SH3RF2: variants seen among roughly 807,000 people sequenced by gnomAD.
SH3RF2 encodes SH3 domain containing ring finger 2, also known as E3 ubiquitin-protein ligase SH3RF2.
In SH3RF2, 43 loss-of-function variants were observed where a neutral mutation model predicts 59.0. That is an observed-to-expected ratio of 0.73 (90% CI 0.57 to 0.94). The LOEUF (loss-of-function observed/expected upper bound fraction) is 0.94. Among genes scored for constraint, SH3RF2 ranks in the 40% least tolerant of loss-of-function variants. SH3RF2 has a pLI of 0.00. For missense variants in SH3RF2, 930 were observed against 940.1 expected, an observed-to-expected ratio of 0.99 and a Z score of 0.14; for synonymous variants, 391 against 391.5, an observed-to-expected ratio of 1.00 and a Z score of 0.01.
intron 5 of SH3RF2, among the ~76,000 whole-genome samples, chr5:146,023,384 T>C (rs929165014): frequency 2.0e-5 from 3 of 152,194 alleles, no homozygotes; most frequent in South Asian, 2.1e-4. Context: ...AATTTTTGTA[T>C]TGTTAGTAGA....
chr5:145,953,640 G>C (rs1758278804), intron 2 of SH3RF2, among the ~76,000 whole-genome samples: 1 of 152,072 alleles, frequency 6.6e-6, no homozygotes, highest in Admixed American at 6.6e-5. Flanking sequence ...TTGTTGTACA[G>C]GTTATTTCAT....
exon 10 of SH3RF2, chr5:146,079,777 A>ACAC (rs1283417205): frequency 6.6e-6 from 1 of 152,250 alleles, no homozygotes; most frequent in Non-Finnish European, 1.5e-5. Context: ...AGGTGACAAT[A>ACAC]CACCACAAGA....
intron 5 of SH3RF2, among the ~76,000 whole-genome samples, chr5:146,016,560 T>C (rs991672559): frequency 1.3e-5 from 2 of 152,168 alleles, no homozygotes; most frequent in African/African-American, 2.4e-5. Context: ...ATCAACACTT[T>C]ATAGCAAGGT....
At chr5:146,064,052 C>T (rs1046828241), downstream of SH3RF2, among the ~76,000 whole-genome samples, 1 of 151,896 alleles carries the variant, frequency 6.6e-6, no homozygotes, top group Admixed American at 6.6e-5. Context: ...CATGGCAGCC[C>T]GAGGCTGGGG....
chr5:145,949,705 T>C (rs186649138), intron 2 of SH3RF2, among the ~76,000 whole-genome samples: 2 of 152,310 alleles, frequency 1.3e-5, no homozygotes, highest in Admixed American at 1.3e-4. Flanking sequence ...ACAGCAGTGT[T>C]CTTTTCCTAT....
rs374624666 is a variant in SH3RF2 at position 146,049,202 on chromosome 5, C to A, written c.1279C>A (p.Arg427=). The change falls in exon 7 of 10, where the codon CGA becomes AGA. Residue 427 remains arginine, a synonymous_variant. Transcript: ENST00000359120. The part of the protein sequence containing the change: ...WLRGVSLVTG[R]VGIFPNNYVI... ...CAGGGGCGTCTCCTTGGTCACCGGG[C>A]GAGTCGGCATCTTCCCAAACAATTA... is the stretch of plus-strand genomic sequence containing the variant. 6 of 1,613,776 alleles carry A rather than the reference C, an allele frequency of 3.7e-6. No individual in the cohort carries two copies. The East Asian group carries it at 8.9e-5, about 24-fold the overall frequency.
chr5:146,064,909 A>G (rs1480469165), downstream of SH3RF2, among the ~76,000 whole-genome samples: 1 of 152,060 alleles, frequency 6.6e-6, no homozygotes, highest in Non-Finnish European at 1.5e-5. Context: ...AGGAAGGGGC[A>G]TGTCTAATTA....
intron 9 of SH3RF2, among the ~76,000 whole-genome samples, chr5:146,077,180 C>A (rs1017644827): frequency 1.3e-5 from 2 of 152,146 alleles, no homozygotes; most frequent in African/African-American, 4.8e-5. Context: ...TGCAATCAAA[C>A]CACCTGCCCT....
chr5:145,940,272 C>T (rs573391891), intron 2 of SH3RF2, among the ~76,000 whole-genome samples: 1 of 152,208 alleles, frequency 6.6e-6, no homozygotes, highest in Admixed American at 6.5e-5. Context: ...CTGGCACCCC[C>T]ACTTCCCAAT....
At chr5:146,049,349 G>A in intron 7 of SH3RF2, 104 bp downstream of exon 7, 1 of 1,342,648 alleles carries the variant, frequency 7.4e-7, no homozygotes. Context: ...TCAGAAAACA[G>A]GCCAAGAAAG....
At chr5:146,009,920 G>C (rs1346299730) in intron 4 of SH3RF2, among the ~76,000 whole-genome samples, 1 of 152,110 alleles carries the variant, frequency 6.6e-6, no homozygotes, top group African/African-American at 2.4e-5. Flanking sequence ...GGGTATATGT[G>C]CACAACGTGC....
intron 3 of SH3RF2, among the ~76,000 whole-genome samples, chr5:146,002,438 G>A (rs1201526682): frequency 2.7e-5 from 4 of 147,918 alleles, no homozygotes; most frequent in South Asian, 2.1e-4. Flanking sequence ...GCAACAGAGC[G>A]AGACTCCATC....
intron 2 of SH3RF2, among the ~76,000 whole-genome samples, chr5:145,945,143 T>C (rs1757962642): frequency 6.6e-6 from 1 of 152,234 alleles, no homozygotes. Flanking sequence ...TTAGTTATAG[T>C]TCTTAGAGGG....
intron 5 of SH3RF2, among the ~76,000 whole-genome samples, chr5:146,045,854 T>G (rs11738320): frequency 0.34 from 52,119 of 152,112 alleles, 9,291 homozygotes; most frequent in Non-Finnish European, 0.39. Context: ...GAAACAGATT[T>G]ACTGGGTCAT....
intron 4 of SH3RF2, among the ~76,000 whole-genome samples, chr5:146,012,328 G>T (rs974350293): frequency 3.3e-5 from 5 of 152,070 alleles, no homozygotes; most frequent in African/African-American, 9.7e-5. Context: ...AATTCTCTTT[G>T]TTTGTTGTGT....
At chr5:146,064,813 A>G (rs1355925211), downstream of SH3RF2, among the ~76,000 whole-genome samples, 5 of 10,858 alleles carry the variant, frequency 4.6e-4, no homozygotes, top group Non-Finnish European at 3.3e-3. Context: ...GGAAGGAAAG[A>G]AAGAAAGAAA....
chr5:145,997,598 T>C, intron 2 of SH3RF2: 1 of 1,603,538 alleles, frequency 6.2e-7, no homozygotes, highest in Non-Finnish European at 8.5e-7. Flanking sequence ...CGAGAAAAGG[T>C]TTTAAGTTTA....
intron 3 of SH3RF2, among the ~76,000 whole-genome samples, chr5:146,003,117 T>C (rs575235599): frequency 2.0e-5 from 3 of 152,344 alleles, no homozygotes; most frequent in Admixed American, 2.0e-4. Flanking sequence ...TTGAACTTGA[T>C]GAATGGTTTA....
chr5:146,016,385 TGG>T (rs1761105293), intron 5 of SH3RF2, among the ~76,000 whole-genome samples: 4 of 151,848 alleles, frequency 2.6e-5, no homozygotes, highest in Non-Finnish European at 4.4e-5. Flanking sequence ...GATGGATGGA[TGG>T]ATGGATGGAT....
Sources: allele counts gnomAD v4.1 joint callset (sites outside exome capture counted in the v4.1 genomes callset), GRCh38; gene constraint gnomAD v4.1.1; transcripts MANE v1.5; gene names NCBI Gene and HGNC (gene_info 2026-07-23, HGNC 2026-07-21).